CACNA2D1: variants seen among roughly 807,000 people sequenced by gnomAD.
CACNA2D1 encodes voltage-dependent calcium channel subunit alpha-2/delta-1.
A neutral mutation model predicts 171.5 loss-of-function variants in CACNA2D1; 53 were observed. That is an observed-to-expected ratio of 0.31 (90% confidence interval 0.25 to 0.39). The LOEUF (loss-of-function observed/expected upper bound fraction) is 0.39. Among genes scored for constraint, CACNA2D1 ranks in the 10% least tolerant of loss-of-function variants. The pLI is 1.00. For missense variants in CACNA2D1, 903 were observed against 1,299.8 expected, an observed-to-expected ratio of 0.69 and a Z score of 4.69; for synonymous variants, 442 against 443.1, an observed-to-expected ratio of 1.00 and a Z score of 0.03.
In CACNA2D1 at chr7:82,302,411, C is replaced by CTT. The variant is rs200236524; in HGVS notation, c.294+32722_294+32723dup. 6.0e-3 allele frequency among the ~76,000 whole-genome samples: 843 copies of CTT among 140,064 alleles called. 18 individuals carry two copies. The East Asian group carries it at 0.083, about 14-fold the overall frequency. 91.9% of individuals were successfully genotyped at this position (140,064 alleles called of 152,430 possible). On this transcript the variant is annotated intron_variant, in intron 3 of 38. Transcript: ENST00000356860. ...ATCCTCATCTCCATGATTTCTAATT[C>CTT]TTTTTTTTTTTTTTTGGAGACGGAG...
At chr7:82,305,386 G>A (rs1439243180) in intron 3 of CACNA2D1, among the ~76,000 whole-genome samples, 1 of 152,132 alleles carries the variant, frequency 6.6e-6, no homozygotes, top group Non-Finnish European at 1.5e-5. Flanking sequence ...AATCCTGAAA[G>A]CTGTCTTTTG....
intron 18 of CACNA2D1, among the ~76,000 whole-genome samples, chr7:81,999,481 A>T (rs1010473568): frequency 2.0e-5 from 3 of 152,212 alleles, no homozygotes; most frequent in African/African-American, 7.2e-5. Flanking sequence ...GAAAGAATGA[A>T]ATGTTAACAA....
rs1554514821 is a variant in CACNA2D1 at position 82,332,510 on chromosome 7, T to TAAAGAAAGAA, written c.294+2615_294+2624dup. 5.3e-3 allele frequency among the ~76,000 whole-genome samples: 487 copies of TAAAGAAAGAA among 92,646 alleles called. 9 individuals are homozygous for TAAAGAAAGAA. Among genetic ancestry groups the TAAAGAAAGAA allele is most frequent in the African/African-American group, 0.018 (459 of 26,022 alleles). The allele number at this position is 92,646 out of a possible 152,430, so 60.8% of individuals were successfully genotyped here. On this transcript the variant is annotated intron_variant, in intron 3 of 38. Transcript: ENST00000356860. ...GAAGCATAGAAATAAAAAAGAAATA[T>TAAAGAAAGAA]AAAGAAAGAAAGAAAGAAAGAAAGA... is the stretch of plus-strand genomic sequence containing the variant.
At chr7:82,069,380 G>GA (rs1445243099) in intron 7 of CACNA2D1, among the ~76,000 whole-genome samples, 10 of 152,272 alleles carry the variant, frequency 6.6e-5, no homozygotes, top group African/African-American at 2.4e-4. Context: ...GGGATGGGCA[G>GA]AAAAGAGAAC....
intron 10 of CACNA2D1, among the ~76,000 whole-genome samples, chr7:82,051,706 T>G (rs1418923085): frequency 2.0e-5 from 3 of 152,216 alleles, no homozygotes. Flanking sequence ...TGGCTTGCAG[T>G]ATTTTACTCC....
chr7:82,335,015 T>C, intron 3 of CACNA2D1, 120 bp downstream of exon 3: 1 of 736,298 alleles, frequency 1.4e-6, no homozygotes, highest in Non-Finnish European at 2.5e-6. Flanking sequence ...TATGAACATA[T>C]CAGATGAACA....
intron 3 of CACNA2D1, among the ~76,000 whole-genome samples, chr7:82,200,100 A>G (rs1189209047): frequency 6.6e-6 from 1 of 152,144 alleles, no homozygotes; most frequent in Non-Finnish European, 1.5e-5. Flanking sequence ...CTTGATACAC[A>G]AAAATCTCTA....
chr7:82,394,452 A>T (rs774155926), intron 1 of CACNA2D1, among the ~76,000 whole-genome samples: 1 of 152,196 alleles, frequency 6.6e-6, no homozygotes, highest in East Asian at 1.9e-4. Flanking sequence ...ATCTATCATC[A>T]TAGATGATAG....
At position 82,251,741 on chromosome 7, in the gene CACNA2D1, T is replaced by C. The variant is rs535535097; in HGVS notation, c.295-81132A>G. 5.3e-5 allele frequency among the ~76,000 whole-genome samples: 8 copies of C among 152,330 alleles called. No individual in the cohort carries two copies. In the South Asian group the frequency reaches 1.0e-3, roughly 20 times the overall value. Reference sequence around the variant, plus strand: ...TTCCAGCTTTGTGTATGCCATACATTAGATTCATTAGAATAACTCCCAATT... The same window carrying C: ...TTCCAGCTTTGTGTATGCCATACATCAGATTCATTAGAATAACTCCCAATT... On this transcript the variant is annotated intron_variant, in intron 3 of 38. Coordinates refer to ENST00000356860, the MANE Select transcript of CACNA2D1 (RefSeq NM_000722.4).
intron 3 of CACNA2D1, among the ~76,000 whole-genome samples, chr7:82,184,854 T>A (rs1797498828): frequency 6.6e-6 from 1 of 152,210 alleles, no homozygotes. Flanking sequence ...GCTGATATAT[T>A]TTCACTACTT....
At chr7:82,096,361 G>A (rs567764335) in intron 6 of CACNA2D1, among the ~76,000 whole-genome samples, 16 of 152,114 alleles carry the variant, frequency 1.1e-4, no homozygotes, top group African/African-American at 3.9e-4. Flanking sequence ...AAGACAGACA[G>A]GACTTCTAAC....
At chr7:81,982,072 C>T (rs1381817504) in intron 24 of CACNA2D1, among the ~76,000 whole-genome samples, 2 of 152,084 alleles carry the variant, frequency 1.3e-5, no homozygotes, top group Non-Finnish European at 2.9e-5. Context: ...TCTACAAGAG[C>T]AAAGCCTATG....
intron 7 of CACNA2D1, among the ~76,000 whole-genome samples, chr7:82,073,365 T>C (rs1808550808): frequency 6.6e-6 from 1 of 152,192 alleles, no homozygotes; most frequent in Non-Finnish European, 1.5e-5. Context: ...AAATACCTAT[T>C]ATACACTATA....
At chr7:82,376,845 CAG>C (rs1823069311) in intron 1 of CACNA2D1, among the ~76,000 whole-genome samples, 1 of 152,174 alleles carries the variant, frequency 6.6e-6, no homozygotes, top group South Asian at 2.1e-4. Flanking sequence ...TGGAGGAAAA[CAG>C]AAACAAAACC....
chr7:82,058,950 C>T (rs752021474), intron 10 of CACNA2D1, among the ~76,000 whole-genome samples: 6 of 152,112 alleles, frequency 3.9e-5, no homozygotes, highest in Non-Finnish European at 7.4e-5. Flanking sequence ...CCGCGATACA[C>T]CACTAAAAAC....
At chr7:82,437,331 T>C (rs1585963758) in intron 1 of CACNA2D1, among the ~76,000 whole-genome samples, 1 of 152,108 alleles carries the variant, frequency 6.6e-6, no homozygotes, top group African/African-American at 2.4e-5. Context: ...TAGCGTATTT[T>C]TAATTACACA....
rs550573640 is a variant in CACNA2D1 at position 82,198,658 on chromosome 7, T to G, written c.295-28049A>C. Among the ~76,000 whole-genome samples, 17 of 149,758 alleles carry G rather than the reference T, an allele frequency of 1.1e-4. No individual in the cohort carries two copies. The South Asian group carries it at 3.6e-3, about 31-fold the overall frequency. ...TATTTTACATTCAAACACAAAGAGA[T>G]ATCTGGAACTTTTTTTTTTTTTTTT... On this transcript the variant is annotated intron_variant, in intron 3 of 38. Transcript: ENST00000356860.
At chr7:82,425,729 A>G (rs1407117167) in intron 1 of CACNA2D1, among the ~76,000 whole-genome samples, 1 of 151,236 alleles carries the variant, frequency 6.6e-6, no homozygotes, top group African/African-American at 2.4e-5. Flanking sequence ...GGGAGGTCTC[A>G]AACTCATCCT....
intron 1 of CACNA2D1, among the ~76,000 whole-genome samples, chr7:82,378,942 TG>T: frequency 6.4e-5 from 1 of 15,532 alleles, no homozygotes; most frequent in South Asian, 1.3e-3. Context: ...TTGACTCGTG[TG>T]TGTGTGTGTG....
Sources: allele counts gnomAD v4.1 joint callset (sites outside exome capture counted in the v4.1 genomes callset), GRCh38; gene constraint gnomAD v4.1.1; transcripts MANE v1.5; gene names NCBI Gene and HGNC (gene_info 2026-07-23, HGNC 2026-07-21).